Variants in RNF220 observed in about 807,000 individuals in gnomAD.
RNF220 encodes the protein ring finger protein 220.
Under a neutral mutation model 67.1 loss-of-function variants are expected in RNF220, and 7 were observed. The ratio of observed to expected loss-of-function variants is 0.10; its 90% confidence interval spans 0.06 to 0.20. The LOEUF is 0.20. Ranked by LOEUF, RNF220 falls within the 10% of genes least tolerant of loss-of-function variation. RNF220 has a pLI of 1.00. For synonymous variants in RNF220, 270 were observed against 283.2 expected (o/e 0.95, Z 0.47); for missense variants, 565 against 740.3 (o/e 0.76, Z 2.75).
At chr1:44,501,589 AGCAGGAC>A (rs1376852170) in intron 2 of RNF220, among the ~76,000 whole-genome samples, 3,827 of 152,234 alleles carry the variant, frequency 0.025, 142 homozygotes, top group African/African-American at 0.088. Flanking sequence ...AATGCGGCCA[AGCAGGAC>A]AATTTCTTTC....
intron 2 of RNF220, among the ~76,000 whole-genome samples, chr1:44,588,018 AC>A (rs940627522): frequency 1.1e-4 from 16 of 152,078 alleles, no homozygotes; most frequent in African/African-American, 3.9e-4. Flanking sequence ...CCTACAGCTG[AC>A]CCCGAGGCCA....
At chr1:44,581,094 G>T (rs897861157) in intron 2 of RNF220, among the ~76,000 whole-genome samples, 59 of 152,206 alleles carry the variant, frequency 3.9e-4, no homozygotes, top group African/African-American at 1.4e-3. Context: ...TGTCCGGAAG[G>T]ACTGCCTGTC....
chr1:44,618,170 G>A (rs1643640203), intron 3 of RNF220, among the ~76,000 whole-genome samples: 1 of 152,192 alleles, frequency 6.6e-6, no homozygotes, highest in Admixed American at 6.5e-5. Context: ...CCCACTAGGA[G>A]CAGGCTGCTA....
chr1:44,409,944 G>A (rs1647802883), intron 1 of RNF220, among the ~76,000 whole-genome samples: 1 of 152,106 alleles, frequency 6.6e-6, no homozygotes, highest in South Asian at 2.1e-4. Context: ...CAACGCCCAC[G>A]CAATGAAGTA....
At chr1:44,453,271 T>C (rs558685003) in intron 2 of RNF220, among the ~76,000 whole-genome samples, 2 of 152,306 alleles carry the variant, frequency 1.3e-5, no homozygotes, top group South Asian at 4.1e-4. Context: ...TTTATGTATT[T>C]CTTTGTGATG....
intron 2 of RNF220, among the ~76,000 whole-genome samples, chr1:44,514,667 T>C (rs918353202): frequency 2.6e-5 from 4 of 152,228 alleles, no homozygotes; most frequent in Admixed American, 6.5e-5. Context: ...TAGCCAGCTA[T>C]TGGGCTACTT....
At chr1:44,546,761 C>G (rs1572842934) in intron 2 of RNF220, among the ~76,000 whole-genome samples, 1 of 152,308 alleles carries the variant, frequency 6.6e-6, no homozygotes, top group East Asian at 1.9e-4. Flanking sequence ...TCTGAGCCAG[C>G]TCTGCCCCTG....
Position 44,632,401 on chromosome 1 carries a change from C to T in RNF220, c.949+16C>T, listed in dbSNP as rs770101139. On this transcript the variant is annotated intron_variant, in intron 6 of 14. Coordinates refer to ENST00000361799, the MANE Select transcript of RNF220 (RefSeq NM_018150.4). ...CGACTGAATGGTGAGTCCTGCCCGG[C>T]CCCTCCCTCCGCCCCACCCCCGGCC... 3.1e-6 allele frequency: 5 copies of T among 1,596,300 alleles called. No individual in the cohort carries two copies. The highest frequency in any genetic ancestry group is 1.1e-5 in the South Asian group (1 of 90,602).
intron 2 of RNF220, among the ~76,000 whole-genome samples, chr1:44,528,251 A>C (rs1283139329): frequency 6.6e-6 from 1 of 152,204 alleles, no homozygotes; most frequent in African/African-American, 2.4e-5. Context: ...CTTCATATTA[A>C]TATAGTTCAT....
intron 2 of RNF220, among the ~76,000 whole-genome samples, chr1:44,569,977 C>G (rs1025795175): frequency 1.3e-5 from 2 of 152,120 alleles, no homozygotes; most frequent in African/African-American, 4.8e-5. Flanking sequence ...AGATCGGGCA[C>G]CCTTGGGACC....
intron 2 of RNF220, among the ~76,000 whole-genome samples, chr1:44,548,442 G>A (rs34090807): frequency 0.053 from 8,077 of 151,884 alleles, 384 homozygotes; most frequent in East Asian, 0.16. Context: ...TTCCTTCCAG[G>A]CTCCCCACCT....
At chr1:44,431,595 A>G (rs1456426931) in intron 2 of RNF220, among the ~76,000 whole-genome samples, 2 of 151,946 alleles carry the variant, frequency 1.3e-5, no homozygotes, top group African/African-American at 4.8e-5. Flanking sequence ...GCTAAATGGA[A>G]TTCCATTTAA....
chr1:44,594,492 G>C (rs1461943083), intron 2 of RNF220, among the ~76,000 whole-genome samples: 4 of 152,220 alleles, frequency 2.6e-5, no homozygotes, highest in African/African-American at 9.6e-5. Flanking sequence ...GGAGAGCAGG[G>C]AGAGCCTGTT....
chr1:44,644,520 G>C (rs886619501), intron 8 of RNF220, 178 bp from the exon 9 acceptor site: 59 of 587,478 alleles, frequency 1.0e-4, no homozygotes, highest in Non-Finnish European at 1.5e-4. Flanking sequence ...TTTGCAGAGT[G>C]AAGGGCCTGA....
At chr1:44,543,464 G>A (rs1661846242) in intron 2 of RNF220, among the ~76,000 whole-genome samples, 1 of 152,138 alleles carries the variant, frequency 6.6e-6, no homozygotes, top group African/African-American at 2.4e-5. Flanking sequence ...ACCGACGGGA[G>A]GTTAACAGCT....
At chr1:44,647,567 A>T (rs1644686892) in intron 12 of RNF220, among the ~76,000 whole-genome samples, 1 of 152,192 alleles carries the variant, frequency 6.6e-6, no homozygotes, top group South Asian at 2.1e-4. Flanking sequence ...AGAGGGAATC[A>T]TGGACCCTAG....
At chr1:44,563,295 T>C (rs1166071924) in intron 2 of RNF220, among the ~76,000 whole-genome samples, 1 of 129,088 alleles carries the variant, frequency 7.7e-6, no homozygotes, top group Admixed American at 7.6e-5. Context: ...GAGCTGATGC[T>C]GAGGCAGGGC....
chr1:44,526,116 C>T (rs1004983040), intron 2 of RNF220, among the ~76,000 whole-genome samples: 1 of 152,160 alleles, frequency 6.6e-6, no homozygotes, highest in Non-Finnish European at 1.5e-5. Flanking sequence ...CACCTGTTTG[C>T]CTACCTCAAA....
intron 2 of RNF220, among the ~76,000 whole-genome samples, chr1:44,539,041 C>T (rs1447374486): frequency 2.0e-5 from 3 of 151,278 alleles, no homozygotes; most frequent in African/African-American, 7.3e-5. Context: ...ACCAACATGG[C>T]GAAACCCCGT....
Sources: allele counts gnomAD v4.1 joint callset (sites outside exome capture counted in the v4.1 genomes callset), GRCh38; gene constraint gnomAD v4.1.1; transcripts MANE v1.5; gene names NCBI Gene and HGNC (gene_info 2026-07-23, HGNC 2026-07-21).